The following ITGBL1 variants were observed in gnomAD, a reference collection of about 807,000 sequenced individuals.
ITGBL1 encodes integrin subunit beta like 1.
Under a neutral mutation model 68.5 loss-of-function variants are expected in ITGBL1, and 51 were observed. That is an observed-to-expected ratio of 0.74 (90% confidence interval 0.59 to 0.94). The LOEUF is 0.94. ITGBL1 is among the 40% of genes least tolerant of loss of function. The probability of loss-of-function intolerance (pLI) is 0.00; values close to 1 mark genes in which losing one functional copy is unlikely to be tolerated. For missense variants in ITGBL1, 649 were observed against 647.4 expected (o/e 1.00, Z -0.03); for synonymous variants, 209 against 227.3 (o/e 0.92, Z 0.72).
In ITGBL1 at chr13:101,583,259, G is replaced by A. The variant is rs145784947; in HGVS notation, c.771G>A (p.Pro257=). Reference sequence around the variant, plus strand: ...AATGTACCTGTCACGATGTTGATCCGACTGGGGACTGGGGAGATATTCATG... The same window carrying A: ...AATGTACCTGTCACGATGTTGATCCAACTGGGGACTGGGGAGATATTCATG... ...CGECTCHDVD[P]TGDWGDIHGD... is the part of the protein sequence containing the mutation. The change falls in exon 6 of 11, where the codon CCG becomes CCA. Residue 257 remains proline, a synonymous_variant. Transcript: ENST00000376180. 17 of 1,613,412 alleles carry A rather than the reference G, an allele frequency of 1.1e-5. No individual in the cohort carries two copies. The highest frequency in any genetic ancestry group is 4.0e-5 in the African/African-American group (3 of 74,828).
At chr13:101,521,524 C>G (rs1276456800) in intron 2 of ITGBL1, among the ~76,000 whole-genome samples, 1 of 151,992 alleles carries the variant, frequency 6.6e-6, no homozygotes, top group Non-Finnish European at 1.5e-5. Context: ...ACCAGTGTGC[C>G]TGGATCTGGA....
intron 2 of ITGBL1, among the ~76,000 whole-genome samples, chr13:101,513,878 A>G (rs2049154249): frequency 6.6e-6 from 1 of 152,130 alleles, no homozygotes; most frequent in South Asian, 2.1e-4. Flanking sequence ...CCTGATCTCA[A>G]AGAACAACTT....
chr13:101,596,656 A>G (rs1359364508), intron 6 of ITGBL1, among the ~76,000 whole-genome samples: 1 of 152,142 alleles, frequency 6.6e-6, no homozygotes, highest in Non-Finnish European at 1.5e-5. Flanking sequence ...CATGGCCCCC[A>G]GTTTGACCGT....
chr13:101,478,970 T>G (rs2139033505), intron 2 of ITGBL1, among the ~76,000 whole-genome samples: 1 of 152,170 alleles, frequency 6.6e-6, no homozygotes, highest in Non-Finnish European at 1.5e-5. Context: ...TCTTAAAATT[T>G]ATTGAACTAC....
At chr13:101,469,814 CT>C (rs1403088726) in intron 2 of ITGBL1, among the ~76,000 whole-genome samples, 3 of 152,128 alleles carry the variant, frequency 2.0e-5, no homozygotes, top group African/African-American at 7.2e-5. Flanking sequence ...CAATCTTTTC[CT>C]TGGGAAAACT....
chr13:101,460,256 A>T (rs2048300340), intron 2 of ITGBL1, among the ~76,000 whole-genome samples: 1 of 152,164 alleles, frequency 6.6e-6, no homozygotes, highest in Non-Finnish European at 1.5e-5. Flanking sequence ...TAAGAATATT[A>T]TCTGCCTTGA....
intron 2 of ITGBL1, among the ~76,000 whole-genome samples, chr13:101,542,475 A>G (rs763966471): frequency 5.3e-5 from 8 of 152,180 alleles, no homozygotes; most frequent in African/African-American, 1.2e-4. Flanking sequence ...TTTACTTCCA[A>G]CTATATGGTC....
intron 2 of ITGBL1, among the ~76,000 whole-genome samples, chr13:101,474,261 C>G (rs998808880): frequency 2.0e-5 from 3 of 152,086 alleles, no homozygotes; most frequent in African/African-American, 4.8e-5. Flanking sequence ...GCATTCACCA[C>G]AAGCTGAGCC....
At chr13:101,590,269 G>A (rs938292097) in intron 6 of ITGBL1, among the ~76,000 whole-genome samples, 1 of 152,132 alleles carries the variant, frequency 6.6e-6, no homozygotes, top group African/African-American at 2.4e-5. Context: ...ACATGTGAAT[G>A]GATTTCAGAT....
intron 2 of ITGBL1, among the ~76,000 whole-genome samples, chr13:101,517,414 C>G (rs754310585): frequency 6.6e-6 from 1 of 152,138 alleles, no homozygotes; most frequent in African/African-American, 2.4e-5. Flanking sequence ...CTGCACGTTA[C>G]GCTCATCTAG....
intron 2 of ITGBL1, among the ~76,000 whole-genome samples, chr13:101,521,811 CT>C (rs1339587511): frequency 6.6e-5 from 10 of 152,028 alleles, no homozygotes; most frequent in Admixed American, 3.3e-4. Flanking sequence ...TCCTTTCTTT[CT>C]TTTTCCTTAC....
chr13:101,668,231 T>C (rs1411389688), intron 7 of ITGBL1, among the ~76,000 whole-genome samples: 3 of 151,956 alleles, frequency 2.0e-5, no homozygotes, highest in Non-Finnish European at 4.4e-5. Flanking sequence ...CTACTAAAAA[T>C]ACAAAAATTA....
chr13:101,683,889 C>G (rs1046782289), intron 7 of ITGBL1, among the ~76,000 whole-genome samples: 3 of 151,926 alleles, frequency 2.0e-5, no homozygotes, highest in Non-Finnish European at 4.4e-5. Flanking sequence ...ATTCAGATCT[C>G]CTGCCCATGT....
chr13:101,458,854 C>T (rs981017328), intron 2 of ITGBL1, among the ~76,000 whole-genome samples: 6 of 151,994 alleles, frequency 3.9e-5, no homozygotes, highest in Admixed American at 2.6e-4. Context: ...TATGGAGGCC[C>T]GACCGTATGG....
At chr13:101,650,190 G>A (rs76482518) in intron 7 of ITGBL1, among the ~76,000 whole-genome samples, 1 of 152,260 alleles carries the variant, frequency 6.6e-6, no homozygotes, top group African/African-American at 2.4e-5. Context: ...TGTAATTGTT[G>A]CCCTGCACCG....
intron 7 of ITGBL1, among the ~76,000 whole-genome samples, chr13:101,681,951 A>T (rs1594977038): frequency 3.9e-5 from 6 of 152,262 alleles, no homozygotes; most frequent in Admixed American, 3.9e-4. Flanking sequence ...CAAATGTCAA[A>T]CTTCACAATT....
At chr13:101,460,801 G>T (rs1332650377) in intron 2 of ITGBL1, among the ~76,000 whole-genome samples, 1 of 152,124 alleles carries the variant, frequency 6.6e-6, no homozygotes, top group Non-Finnish European at 1.5e-5. Context: ...TAGAGGGAGG[G>T]GTACCACATT....
At chr13:101,611,591 G>T (rs1055829884) in intron 7 of ITGBL1, among the ~76,000 whole-genome samples, 1 of 152,016 alleles carries the variant, frequency 6.6e-6, no homozygotes, top group African/African-American at 2.4e-5. Context: ...ACAGTTAGTT[G>T]AACAGTAAGC....
rs768409224 is a variant in ITGBL1 at position 101,715,701 on chromosome 13, G to T, written c.*47G>T. The T allele has an allele frequency of 4.6e-6, 6 of 1,293,298 alleles. No homozygotes were observed. The South Asian group carries it at 5.9e-5, about 13-fold the overall frequency. 80.1% of individuals were successfully genotyped at this position (1,293,298 alleles called of 1,614,324 possible). A position where few individuals can be genotyped will look rare whatever the true frequency, so the allele number is the denominator to read the frequency against. On this transcript the variant is annotated 3_prime_UTR_variant, in exon 11 of 11. Transcript: ENST00000376180. ...GATTCTTATTTTTTCTGGGCCATTA[G>T]AACAGATAAATGCGAAGGAAACCAT...
Sources: allele counts gnomAD v4.1 joint callset (sites outside exome capture counted in the v4.1 genomes callset), GRCh38; gene constraint gnomAD v4.1.1; transcripts MANE v1.5; gene names NCBI Gene and HGNC (gene_info 2026-07-23, HGNC 2026-07-21).